GRIA3: variants seen among roughly 807,000 people sequenced by gnomAD.
The protein encoded by GRIA3 is glutamate ionotropic receptor AMPA type subunit 3.
In GRIA3, 3 loss-of-function variants were observed where a neutral mutation model predicts 63.0. The observed-to-expected ratio is 0.05, with a 90% CI of 0.02 to 0.12. The LOEUF (loss-of-function observed/expected upper bound fraction) is 0.12. GRIA3 is among the 10% of genes least tolerant of loss of function. The probability of loss-of-function intolerance (pLI) is 1.00; values close to 1 mark genes in which losing one functional copy is unlikely to be tolerated. For missense variants in GRIA3, 347 were observed against 700.9 expected (o/e 0.50, Z 5.70); for synonymous variants, 274 against 257.9 (o/e 1.06, Z -0.60).
chrX:123,221,955 T>C lies in GRIA3; in HGVS notation c.269-31348T>C, dbSNP rs772149135. Reference sequence around the variant, plus strand: ...GATAGTGAAACATTGCTCCAAGCCCTTTCTAACTTAAGCGCCCCTCACAAT... The same window carrying C: ...GATAGTGAAACATTGCTCCAAGCCCCTTCTAACTTAAGCGCCCCTCACAAT... On this transcript the variant is annotated intron_variant, in intron 2 of 15. Coordinates refer to ENST00000620443, the MANE Select transcript of GRIA3 (RefSeq NM_007325.5). Among the ~76,000 whole-genome samples, 5 of 111,751 alleles carry C rather than the reference T, an allele frequency of 4.5e-5. No individual in the cohort carries two copies. In the South Asian group the frequency reaches 1.2e-3, roughly 26 times the overall value.
At position 123,247,482 on chromosome X, in the gene GRIA3, C is replaced by T. The variant is rs182080476; in HGVS notation, c.269-5821C>T. ...GAGCTACACTAGAGTCCCCAGGAATCCAGAATGTAGTCAGAAACGACATCT... is the reference window on the plus strand; with the variant it reads ...GAGCTACACTAGAGTCCCCAGGAATTCAGAATGTAGTCAGAAACGACATCT... On this transcript the variant is annotated intron_variant, in intron 2 of 15. Transcript: ENST00000620443. Among the ~76,000 whole-genome samples, 3 of 111,043 alleles carry T rather than the reference C, an allele frequency of 2.7e-5. No individual in the cohort carries two copies. In the East Asian group the frequency reaches 8.5e-4, roughly 31 times the overall value.
At chrX:123,282,816 G>C (rs12557033) in intron 3 of GRIA3, among the ~76,000 whole-genome samples, 1,158 of 112,655 alleles carry the variant, frequency 0.01, 56 homozygotes, top group Admixed American at 0.094. Context: ...TGAGGCAAGA[G>C]AATCGCTTGT....
At chrX:123,188,261 A>G (rs2147245718) in intron 2 of GRIA3, among the ~76,000 whole-genome samples, 1 of 111,012 alleles carries the variant, frequency 9.0e-6, no homozygotes, top group African/African-American at 3.3e-5. Flanking sequence ...ACAATCATTG[A>G]ATGGGGGCCA....
At chrX:123,479,400 A>C (rs1387819742) in intron 13 of GRIA3, among the ~76,000 whole-genome samples, 1 of 111,950 alleles carries the variant, frequency 8.9e-6, no homozygotes, top group Admixed American at 9.4e-5. Context: ...AGAGGTCCAC[A>C]ATATACCTTT....
At position 123,184,318 on chromosome X, in the gene GRIA3, AAGAG is replaced by A. The variant is rs1927180515; in HGVS notation, c.-211_-208del. 4 of 427,211 alleles carry A rather than the reference AAGAG, an allele frequency of 9.4e-6. No individual in the cohort carries two copies. Among genetic ancestry groups the A allele is most frequent in the East Asian group, 8.0e-5 (2 of 24,880 alleles). The allele number at this position is 427,211 out of a possible 1,213,427, so 35.2% of individuals were successfully genotyped here. A position where few individuals can be genotyped will look rare whatever the true frequency, so the allele number is the denominator to read the frequency against. ...AGCGAGCGAGAGAGAGCGAGCGAATAAGAGAGAGAGTAAGAGGGAGAGAGAAGAA... is the reference window on the plus strand; with the variant it reads ...AGCGAGCGAGAGAGAGCGAGCGAATAAGAGAGTAAGAGGGAGAGAGAAGAA... On this transcript the variant is annotated 5_prime_UTR_variant, in exon 1 of 16. Transcript: ENST00000620443.
At chrX:123,470,778 C>T (rs896555036) in intron 13 of GRIA3, among the ~76,000 whole-genome samples, 5 of 112,002 alleles carry the variant, frequency 4.5e-5, no homozygotes, top group Non-Finnish European at 9.4e-5. Context: ...TCTTCCACAC[C>T]CAGAATTCTT....
chrX:123,287,884 T>G (rs1425536061), intron 3 of GRIA3, among the ~76,000 whole-genome samples: 1 of 111,845 alleles, frequency 8.9e-6, no homozygotes, highest in Non-Finnish European at 1.9e-5. Context: ...CAAGCTACCA[T>G]TGACTTTCTT....
At position 123,382,338 on chromosome X, in the gene GRIA3, C is replaced by T. The variant is rs182536366; in HGVS notation, c.751-12630C>T. On this transcript the variant is annotated intron_variant, in intron 5 of 15. Transcript: ENST00000620443. ...TAAAAAAAAAGCAGGTTGTGATGAC[C>T]TCCCCCTGGTTTAATCTGTGCTGCT... Among the ~76,000 whole-genome samples, 118 of 111,230 alleles carry T rather than the reference C, an allele frequency of 1.1e-3. 1 individual carries two copies. The highest frequency in any genetic ancestry group is 1.8e-3 in the Non-Finnish European group (97 of 53,031).
intron 5 of GRIA3, among the ~76,000 whole-genome samples, chrX:123,363,543 C>A (rs1288313552): frequency 8.9e-6 from 1 of 112,450 alleles, no homozygotes; most frequent in African/African-American, 3.2e-5. Context: ...ATTCTCAAAT[C>A]ATGGATGGTC....
At chrX:123,348,002 A>C (rs993587612) in intron 4 of GRIA3, among the ~76,000 whole-genome samples, 4 of 111,745 alleles carry the variant, frequency 3.6e-5, no homozygotes, top group African/African-American at 1.3e-4. Flanking sequence ...GGCTGGAAAT[A>C]ACACACATTT....
At chrX:123,277,220 T>C (rs752031760) in intron 3 of GRIA3, among the ~76,000 whole-genome samples, 2 of 111,143 alleles carry the variant, frequency 1.8e-5, no homozygotes, top group Non-Finnish European at 3.8e-5. Flanking sequence ...TCATGGAGAA[T>C]GGGGCATCCA....
chrX:123,439,959 C>G (rs777537668), intron 12 of GRIA3, among the ~76,000 whole-genome samples: 1 of 111,438 alleles, frequency 9.0e-6, no homozygotes, highest in East Asian at 2.8e-4. Flanking sequence ...CTTTCATCCT[C>G]AAGTAGACCC....
At chrX:123,339,110 A>C (rs2044993312) in intron 4 of GRIA3, among the ~76,000 whole-genome samples, 1 of 112,210 alleles carries the variant, frequency 8.9e-6, no homozygotes, top group Non-Finnish European at 1.9e-5. Context: ...TTACAACAGA[A>C]TCCAACATAT....
At chrX:123,345,317 C>T (rs931783394) in intron 4 of GRIA3, among the ~76,000 whole-genome samples, 4 of 110,344 alleles carry the variant, frequency 3.6e-5, no homozygotes, top group African/African-American at 1.3e-4. Context: ...TTGCTCTCAC[C>T]TCTCTCACTG....
rs201725362 is a variant in GRIA3, at chrX:123,483,072, T to G, written c.*2+26T>G. 234 of 1,138,543 alleles carry G rather than the reference T, an allele frequency of 2.1e-4. No individual in the cohort carries two copies. Among genetic ancestry groups the G allele is most frequent in the South Asian group, 9.3e-4 (51 of 54,978 alleles). 93.8% of individuals were successfully genotyped at this position (1,138,543 alleles called of 1,213,427 possible). A position where few individuals can be genotyped will look rare whatever the true frequency, so the allele number is the denominator to read the frequency against. On this transcript the variant is annotated intron_variant, in intron 15 of 15. Coordinates refer to ENST00000620443, the MANE Select transcript of GRIA3 (RefSeq NM_007325.5). The stretch of plus-strand genomic sequence containing the variant: ...GTACGGTTAAGGTCTAGTAAACTAA[T>G]CAGCTTTACTTTACTGTATGTCAAT...
chrX:123,205,823 A>AT (rs1375304957), intron 2 of GRIA3, among the ~76,000 whole-genome samples: 3 of 111,562 alleles, frequency 2.7e-5, no homozygotes, highest in African/African-American at 3.3e-5. Context: ...TGGGAGGAGT[A>AT]TTTTTTCACT....
At chrX:123,202,205 T>A (rs5911548) in intron 2 of GRIA3, among the ~76,000 whole-genome samples, 28,208 of 111,411 alleles carry the variant, frequency 0.25, 3,069 homozygotes, top group Non-Finnish European at 0.35. Flanking sequence ...CTGAATTATA[T>A]CCCGTCAGGT....
intron 3 of GRIA3, among the ~76,000 whole-genome samples, chrX:123,256,469 A>G (rs894130944): frequency 8.9e-6 from 1 of 111,908 alleles, no homozygotes; most frequent in African/African-American, 3.3e-5. Context: ...GCTGAGAACT[A>G]AAGGACTGGA....
At chrX:123,381,199 A>T (rs762571197) in intron 5 of GRIA3, among the ~76,000 whole-genome samples, 1 of 111,033 alleles carries the variant, frequency 9.0e-6, no homozygotes, top group South Asian at 3.9e-4. Flanking sequence ...GAAAACTGTG[A>T]TCCAACAGCC....
Sources: gnomAD v4.1 joint callset for allele counts (sites outside exome capture counted in the v4.1 genomes callset) on GRCh38, gnomAD v4.1.1 for gene constraint, MANE v1.5 for transcripts, NCBI Gene and HGNC (gene_info 2026-07-23, HGNC 2026-07-21) for gene names.